Variants in TRPM2 observed in about 807,000 individuals in gnomAD.
TRPM2 encodes estrogen-responsive element-associated gene 1 protein.
In TRPM2, 161 loss-of-function variants were observed where a neutral mutation model predicts 174.0. The ratio of observed to expected loss-of-function variants is 0.93; its 90% CI spans 0.81 to 1.05. The LOEUF (loss-of-function observed/expected upper bound fraction) is 1.05, where lower values mean the gene tolerates loss of function less well. Ranked by LOEUF, TRPM2 falls within the 50% of genes least tolerant of loss-of-function variation. The pLI, the probability that TRPM2 is intolerant of heterozygous loss-of-function variation, is 0.00. For missense variants in TRPM2, 2,057 were observed against 2,038.0 expected (o/e 1.01, Z -0.18); for synonymous variants, 954 against 861.3 (o/e 1.11, Z -1.88).
Position 44,387,586 on chromosome 21 carries a change from ATAT to A in TRPM2, c.1319-3314_1319-3312del, listed in dbSNP as rs565851129. ...ATTAAATAATTTTGTGCATCAAAAG[ATAT>A]TATCAACAGAGTAAAAAGGCAACCC... On this transcript the variant is annotated intron_variant, in intron 9 of 31. Coordinates refer to ENST00000397928, the MANE Select transcript of TRPM2 (RefSeq NM_003307.4). Among the ~76,000 whole-genome samples, 447 of 152,354 alleles carry A rather than the reference ATAT, an allele frequency of 2.9e-3. 1 individual carries two copies. The highest frequency in any genetic ancestry group is 0.01 in the African/African-American group (416 of 41,570).
At chr21:44,406,143 G>A (rs886807217) in intron 18 of TRPM2, 106 bp downstream of exon 18, 1 of 1,420,380 alleles carries the variant, frequency 7.0e-7, no homozygotes, top group Non-Finnish European at 9.5e-7. Flanking sequence ...AAACACACCT[G>A]TAGGTTCCCC....
intron 28 of TRPM2, 117 bp downstream of exon 28, chr21:44,435,334 A>C (rs2051203698): frequency 9.2e-7 from 1 of 1,087,118 alleles, no homozygotes; most frequent in African/African-American, 1.6e-5. Flanking sequence ...GATGCTTGGC[A>C]CTTGGTGCCT....
Position 44,366,514 on chromosome 21 carries a change from T to C in TRPM2, c.424-240T>C, listed in dbSNP as rs1286615870. On this transcript the variant is annotated intron_variant, in intron 3 of 31. Transcript: ENST00000397928. This position sits in a 1 kb window ranked among gnomAD's most constrained non-coding sequence, Gnocchi z 6.0. ...TGGGGGCACGAGGGCTGGGGGAGGT[T>C]TGCTGAGGGCGATCCTGGTCCCCAA... Among the ~76,000 whole-genome samples, 1 of 151,978 alleles carries C rather than the reference T, an allele frequency of 6.6e-6. No homozygotes were observed. The highest frequency in any genetic ancestry group is 2.4e-5 in the African/African-American group (1 of 41,378).
intron 29 of TRPM2, among the ~76,000 whole-genome samples, chr21:44,437,782 G>A (rs1437466522): frequency 1.3e-5 from 2 of 152,228 alleles, no homozygotes; most frequent in African/African-American, 4.8e-5. Context: ...AACAGCTCCT[G>A]TTTCCTCCCA....
Position 44,399,494 on chromosome 21 carries a change from C to T in TRPM2, c.2208+53C>T, listed in dbSNP as rs533187216. 2.8e-5 allele frequency: 44 copies of T among 1,566,108 alleles called. No individual in the cohort carries two copies. The East Asian group carries it at 7.7e-4, about 27-fold the overall frequency. On this transcript the variant is annotated intron_variant, in intron 14 of 31. Transcript: ENST00000397928. This position sits in a 1 kb window ranked among gnomAD's most constrained non-coding sequence, Gnocchi z 4.6. The stretch of plus-strand genomic sequence containing the variant: ...ACAGACGCCTGTGGTGCCTGCAGGG[C>T]GGACACAGCCTCCTGTTCGTGCAGT...
chr21:44,413,719 G>A (rs1257123646), intron 19 of TRPM2, among the ~76,000 whole-genome samples, 172 bp from the exon 20 acceptor site: 1 of 152,184 alleles, frequency 6.6e-6, no homozygotes, highest in African/African-American at 2.4e-5. Flanking sequence ...GGAGACAGAT[G>A]CCTCTTTCTG....
At chr21:44,424,795 T>C in intron 23 of TRPM2, 57 bp from the exon 24 acceptor site, 2 of 1,246,186 alleles carry the variant, frequency 1.6e-6, no homozygotes, top group African/African-American at 1.5e-5. Context: ...GGCAGTGGGG[T>C]GTGTACCATG....
intron 16 of TRPM2, 62 bp from the exon 17 acceptor site, chr21:44,405,080 T>C (rs2146294950): frequency 6.2e-7 from 1 of 1,601,708 alleles, no homozygotes; most frequent in East Asian, 2.2e-5. Context: ...GATGTGACAG[T>C]GACAGTGAGG....
In TRPM2 at chr21:44,405,526, GTC is replaced by G. The variant is rs1440016679; in HGVS notation, c.2657+267_2657+268del. On this transcript the variant is annotated intron_variant, in intron 17 of 31. Transcript: ENST00000397928. The stretch of plus-strand genomic sequence containing the variant: ...GCCATAGATGGCAACCTCTGGAATT[GTC>G]CCAGCTCCACGGACACGCGGCTGCC... Among the ~76,000 whole-genome samples, 22 of 152,296 alleles carry G rather than the reference GTC, an allele frequency of 1.4e-4. No individual in the cohort carries two copies. In the East Asian group the frequency reaches 4.0e-3, roughly 28 times the overall value.
At chr21:44,433,104 C>T (rs2051088659) in intron 27 of TRPM2, among the ~76,000 whole-genome samples, 1 of 152,120 alleles carries the variant, frequency 6.6e-6, no homozygotes, top group East Asian at 1.9e-4. Context: ...CCCGCTCAGG[C>T]TGACTGAGAA....
At position 44,442,032 on chromosome 21, in the gene TRPM2, CAG is replaced by C. The variant is rs1334400868; in HGVS notation, c.*216_*217del. The C allele has an allele frequency of 1.5e-6, 1 of 647,738 alleles. No individual in the cohort carries two copies. The highest frequency in any genetic ancestry group is 2.3e-6 in the Non-Finnish European group (1 of 435,572). The allele number at this position is 647,738 out of a possible 1,614,324, so 40.1% of individuals were successfully genotyped here. A position where few individuals can be genotyped will look rare whatever the true frequency, so the allele number is the denominator to read the frequency against. On this transcript the variant is annotated 3_prime_UTR_variant, in exon 32 of 32. Coordinates refer to ENST00000397928, the MANE Select transcript of TRPM2 (RefSeq NM_003307.4). Reference sequence around the variant, plus strand: ...GGTGACCCGGGAGGAGAGCTCAAGACAGGGCACAGGCTACTCAGAGCTGAGGG... The same window carrying C: ...GGTGACCCGGGAGGAGAGCTCAAGACGGCACAGGCTACTCAGAGCTGAGGG...
In TRPM2 at chr21:44,417,468, G is replaced by A. The variant is rs868581914; in HGVS notation, c.3147-459G>A. Among the ~76,000 whole-genome samples, 490 of 118,078 alleles carry A rather than the reference G, an allele frequency of 4.1e-3. 5 individuals carry two copies. The highest frequency in any genetic ancestry group is 0.017 in the African/African-American group (440 of 26,254). The allele number at this position is 118,078 out of a possible 152,430, so 77.5% of individuals were successfully genotyped here. A position where few individuals can be genotyped will look rare whatever the true frequency, so the allele number is the denominator to read the frequency against. On this transcript the variant is annotated intron_variant, in intron 20 of 31. Transcript: ENST00000397928. ...CTGGCATCACAGTGTGCACGTGGGC[G>A]TGGCTCTGCTCTCTGGCATCACAGT...
chr21:44,392,562 G>T (rs2049216021), intron 11 of TRPM2, among the ~76,000 whole-genome samples: 1 of 151,842 alleles, frequency 6.6e-6, no homozygotes, highest in Non-Finnish European at 1.5e-5. Context: ...CTCCGCACCT[G>T]GCCTCACCCC....
rs1319300578 is a variant in TRPM2 at position 44,439,615 on chromosome 21, G to A, written c.4269+447G>A. Among the ~76,000 whole-genome samples the A allele has an allele frequency of 2.6e-5, 4 of 152,186 alleles. No homozygotes were observed. The highest frequency in any genetic ancestry group is 4.8e-5 in the African/African-American group (2 of 41,456). ...CCCTTCCCACATGCATGCCCAGCCT[G>A]GGGACCGACTGTACCAGGACTTTTT... is the stretch of plus-strand genomic sequence containing the variant. On this transcript the variant is annotated intron_variant, in intron 30 of 31. Coordinates refer to ENST00000397928, the MANE Select transcript of TRPM2 (RefSeq NM_003307.4). The surrounding 1 kb of genome is among the most constrained non-coding windows in gnomAD (Gnocchi z 5.1).
intron 29 of TRPM2, among the ~76,000 whole-genome samples, chr21:44,437,990 A>G (rs2051344030): frequency 1.3e-5 from 2 of 152,204 alleles, no homozygotes; most frequent in Non-Finnish European, 2.9e-5. Context: ...AAGCTGTTGC[A>G]TTTCTCTGAC....
chr21:44,417,247 C>T (rs112200578), intron 20 of TRPM2, among the ~76,000 whole-genome samples: 1 of 141,650 alleles, frequency 7.1e-6, no homozygotes, highest in Non-Finnish European at 1.5e-5. Flanking sequence ...TGGCTCTGCT[C>T]TCTGTGGCAT....
At chr21:44,401,196 C>A (rs538125353) in intron 15 of TRPM2, among the ~76,000 whole-genome samples, 1 of 152,154 alleles carries the variant, frequency 6.6e-6, no homozygotes, top group African/African-American at 2.4e-5. Flanking sequence ...TCCAGCGGCC[C>A]GGGGATAGGG....
intron 4 of TRPM2, 54 bp from the exon 5 acceptor site, chr21:44,369,123 G>A (rs930896522): frequency 1.5e-6 from 2 of 1,347,270 alleles, no homozygotes; most frequent in African/African-American, 3.3e-5. Flanking sequence ...AGGCTCCTGG[G>A]TGTCAGGTGC....
Position 44,406,687 on chromosome 21 carries a change from C to G in TRPM2, c.2884C>G (p.Arg962Gly), listed in dbSNP as rs201016919. 4 of 1,609,982 alleles carry G rather than the reference C, an allele frequency of 2.5e-6. No homozygotes were observed. The highest frequency in any genetic ancestry group is 3.4e-5 in the Admixed American group (2 of 59,602). The change falls in exon 19 of 32, where the codon CGG becomes GGG. Residue 962 changes from arginine (R) to glycine (G), a missense_variant. Transcript: ENST00000397928. ...GGCCATCCTCATCCACAACGAGCGC[C>G]GGGTGGACTGGCTGTTCCGAGGGGC... is the stretch of plus-strand genomic sequence containing the variant. ...KQAILIHNER[R>G]VDWLFRGAVY...
Sources: allele counts gnomAD v4.1 joint callset (sites outside exome capture counted in the v4.1 genomes callset), GRCh38; gene constraint gnomAD v4.1.1; non-coding constraint Gnocchi (gnomAD v3.1); transcripts MANE v1.5; gene names NCBI Gene and HGNC (gene_info 2026-07-23, HGNC 2026-07-21).